The following ITPRID2 variants were observed in gnomAD, a reference collection of about 807,000 sequenced individuals.
ITPRID2 encodes the protein protein ITPRID2.
A neutral mutation model predicts 124.3 loss-of-function variants in ITPRID2; 60 were observed. The ratio of observed to expected loss-of-function variants is 0.48; its 90% confidence interval spans 0.39 to 0.60. The LOEUF (loss-of-function observed/expected upper bound fraction) is 0.60. ITPRID2 is among the 20% of genes least tolerant of loss of function. The pLI, the probability that ITPRID2 is intolerant of heterozygous loss-of-function variation, is 0.00. For synonymous variants in ITPRID2, 521 were observed against 542.9 expected (o/e 0.96, Z 0.56); for missense variants, 1,553 against 1,512.2 (o/e 1.03, Z -0.45).
Position 181,892,039 on chromosome 2 carries a change from C to T in ITPRID2, c.-28C>T, listed in dbSNP as rs1691738076. 4.5e-6 allele frequency: 7 copies of T among 1,545,702 alleles called. No homozygotes were observed. The South Asian group carries it at 4.8e-5, about 11-fold the overall frequency. On this transcript the variant is annotated 5_prime_UTR_variant, in exon 1 of 18. Coordinates refer to ENST00000431877, the MANE Select transcript of ITPRID2 (RefSeq NM_001130445.3). This position sits in a 1 kb window ranked among gnomAD's most constrained non-coding sequence, Gnocchi z 5.2. ...CCGCCTTGTCTCGCGCAGGGTCCGG[C>T]TGGGGTAGCGGAGCCCCCAGTGCGG...
chr2:181,928,629 CTT>C (rs756208720), intron 17 of ITPRID2, among the ~76,000 whole-genome samples: 20 of 142,214 alleles, frequency 1.4e-4, no homozygotes, highest in Middle Eastern at 3.4e-3. Flanking sequence ...TCACAACTTC[CTT>C]TTTTTTTTTT....
chr2:181,894,617 C>T (rs1330649804), intron 2 of ITPRID2: 1 of 152,110 alleles, frequency 6.6e-6, no homozygotes, highest in Admixed American at 6.5e-5. Context: ...GCATTTTACC[C>T]ACTTGATAAG....
chr2:181,915,124 T>C (rs1693925586), intron 10 of ITPRID2, 92 bp from the exon 11 acceptor site: 1 of 1,451,980 alleles, frequency 6.9e-7, no homozygotes, highest in African/African-American at 1.4e-5. Context: ...GTGGAGACAG[T>C]GAAATTATAG....
chr2:181,902,073 T>C lies in ITPRID2; in HGVS notation c.1020T>C (p.Asp340=), dbSNP rs955139406. 1 of 1,610,946 alleles carries C rather than the reference T, an allele frequency of 6.2e-7. No individual in the cohort carries two copies. Among genetic ancestry groups the C allele is most frequent in the Admixed American group, 1.7e-5 (1 of 59,430 alleles). Residue 340 remains aspartate (D), a synonymous_variant, in exon 8 of 18, where the codon GAT becomes GAC. Transcript: ENST00000431877. The surrounding 1 kb of genome is among the most constrained non-coding windows in gnomAD (Gnocchi z 4.4). ...SVIEESGNKN[D]QKSQKIMKKK... is the part of the protein sequence containing the mutation. ...TTGAAGAAAGTGGCAATAAAAACGATCAAAAGTCTCAAAAAATTATGAAGA... is the reference window on the plus strand; with the variant it reads ...TTGAAGAAAGTGGCAATAAAAACGACCAAAAGTCTCAAAAAATTATGAAGA...
rs1348540399 is a variant in ITPRID2 at position 181,919,929 on chromosome 2, A to T, written c.3144+483A>T. ...TACCTGTATATTTTCATACATATAT[A>T]TACATACACATACATATATGTATTT... is the stretch of plus-strand genomic sequence containing the variant. On this transcript the variant is annotated intron_variant, in intron 14 of 17. Coordinates refer to ENST00000431877, the MANE Select transcript of ITPRID2 (RefSeq NM_001130445.3). The surrounding 1 kb of genome is among the most constrained non-coding windows in gnomAD (Gnocchi z 4.2). 6.6e-6 allele frequency among the ~76,000 whole-genome samples: 1 copy of T among 152,060 alleles called. No individual in the cohort carries two copies. The highest frequency in any genetic ancestry group is 1.5e-5 in the Non-Finnish European group (1 of 67,990).
At chr2:181,920,528 A>G in intron 14 of ITPRID2, 69 bp from the exon 15 acceptor site, 1 of 1,118,612 alleles carries the variant, frequency 8.9e-7, no homozygotes, top group Non-Finnish European at 1.3e-6. Flanking sequence ...TATGTACATT[A>G]TAATTATATA....
Position 181,902,235 on chromosome 2 carries a change from A to G in ITPRID2, c.1182A>G (p.Glu394=), listed in dbSNP as rs1429207668. 5.0e-6 allele frequency: 8 copies of G among 1,613,124 alleles called. No individual in the cohort carries two copies. The highest frequency in any genetic ancestry group is 6.8e-6 in the Non-Finnish European group (8 of 1,179,494). Reference sequence around the variant, plus strand: ...ATTTTAACCAAGGAACTGAAAATGAACAAAGTAAAGAAACTCAAAGTCATG... The same window carrying G: ...ATTTTAACCAAGGAACTGAAAATGAGCAAAGTAAAGAAACTCAAAGTCATG... The part of the protein sequence containing the change: ...NSNFNQGTEN[E]QSKETQSHES... The change falls in exon 8 of 18, where the codon GAA becomes GAG. Residue 394 remains glutamate (E), a synonymous_variant. Transcript: ENST00000431877. This position sits in a 1 kb window ranked among gnomAD's most constrained non-coding sequence, Gnocchi z 4.4.
At chr2:181,899,848 A>G (rs1186102737) in intron 6 of ITPRID2, among the ~76,000 whole-genome samples, 1 of 152,200 alleles carries the variant, frequency 6.6e-6, no homozygotes, top group East Asian at 1.9e-4. Context: ...GCCAAACAGA[A>G]AAATACCCTT....
At chr2:181,926,376 T>G (rs1008918208) in intron 16 of ITPRID2, among the ~76,000 whole-genome samples, 2 of 152,110 alleles carry the variant, frequency 1.3e-5, no homozygotes, top group African/African-American at 4.8e-5. Flanking sequence ...CAATAATGCC[T>G]GTACTCCCAA....
rs1341614649 is a variant in ITPRID2 at position 181,900,804 on chromosome 2, T to C, written c.612T>C (p.Phe204=). The C allele has an allele frequency of 6.2e-7, 1 of 1,613,454 alleles. No homozygotes were observed. The highest frequency in any genetic ancestry group is 2.2e-5 in the East Asian group (1 of 44,792). The change falls in exon 7 of 18, where the codon TTT becomes TTC. Residue 204 remains phenylalanine, a synonymous_variant. Transcript: ENST00000431877. ...PDIASKIPSR[F]FNSSSFAKGI... ...TTGCTTCTAAAATTCCTTCCAGATT[T>C]TTTAATTCATCATCCTTTGCCAAAG...
In ITPRID2 at chr2:181,892,563, C is replaced by T. The variant is rs372129193; in HGVS notation, c.212-52C>T. On this transcript the variant is annotated intron_variant, in intron 1 of 17. Coordinates refer to ENST00000431877, the MANE Select transcript of ITPRID2 (RefSeq NM_001130445.3). The surrounding 1 kb of genome is among the most constrained non-coding windows in gnomAD (Gnocchi z 5.2). ...CTTGGGAGGGTCCAGGGTGACTCCG[C>T]CGTCGTAGTGCTCCTGGGTGGTAAC... is the stretch of plus-strand genomic sequence containing the variant. 3.7e-6 allele frequency: 6 copies of T among 1,610,094 alleles called. No individual in the cohort carries two copies. Among genetic ancestry groups the T allele is most frequent in the Admixed American group, 1.7e-5 (1 of 60,018 alleles).
chr2:181,915,514 AAG>A lies in ITPRID2; in HGVS notation c.1877_1878del (p.Glu626GlyfsTer17). The A allele has an allele frequency of 6.2e-7, 1 of 1,614,206 alleles. No individual in the cohort carries two copies. The highest frequency in any genetic ancestry group is 8.5e-7 in the Non-Finnish European group (1 of 1,180,028). The stretch of plus-strand genomic sequence containing the variant: ...CATATCATTGAAATTACTGAAGTGG[AAG>A]AGGATTTGTTTCCAGCAGAGACAGT... On this transcript the variant is annotated frameshift_variant, in exon 11 of 18. Transcript: ENST00000431877. LOFTEE classifies it high-confidence loss of function.
intron 2 of ITPRID2, chr2:181,893,742 A>G (rs1691954922): frequency 6.6e-6 from 1 of 152,382 alleles, no homozygotes; most frequent in Middle Eastern, 3.4e-3. Flanking sequence ...TTTACAATCT[A>G]GCTGTAAATC....
intron 8 of ITPRID2, among the ~76,000 whole-genome samples, chr2:181,904,831 A>G (rs923847154): frequency 1.3e-5 from 2 of 152,198 alleles, no homozygotes; most frequent in African/African-American, 4.8e-5. Flanking sequence ...CATCTGAGAC[A>G]AGAGGTAAGA....
intron 16 of ITPRID2, among the ~76,000 whole-genome samples, chr2:181,924,198 G>A (rs955683914): frequency 6.6e-6 from 1 of 152,182 alleles, no homozygotes; most frequent in Non-Finnish European, 1.5e-5. Context: ...CAAGGCATAA[G>A]AGGAGTATTG....
At chr2:181,926,163 C>A (rs1409605394) in intron 16 of ITPRID2, among the ~76,000 whole-genome samples, 1 of 151,970 alleles carries the variant, frequency 6.6e-6, no homozygotes, top group Non-Finnish European at 1.5e-5. Flanking sequence ...ATGCAGGAGG[C>A]TGAGGCAGGA....
chr2:181,928,688 G>C (rs920155588), intron 17 of ITPRID2, among the ~76,000 whole-genome samples: 1 of 151,566 alleles, frequency 6.6e-6, no homozygotes, highest in East Asian at 1.9e-4. Flanking sequence ...TGCAGTGGCG[G>C]GATCTCGGCT....
intron 2 of ITPRID2, chr2:181,893,165 T>C (rs1362810266): frequency 6.2e-6 from 1 of 160,070 alleles, no homozygotes; most frequent in Non-Finnish European, 1.4e-5. Flanking sequence ...TTCTTGAACA[T>C]GGAATTGTCA....
In ITPRID2 at chr2:181,902,179, A is replaced by T. The variant is rs1403608916; in HGVS notation, c.1126A>T (p.Ser376Cys). 1.2e-6 allele frequency: 2 copies of T among 1,613,780 alleles called. No homozygotes were observed. Among genetic ancestry groups the T allele is most frequent in the Admixed American group, 3.3e-5 (2 of 60,012 alleles). ...AGCAGCTGTTACGGAGAATGCTGAT[A>T]GTGATAGAATTTCTGATGAAGCAAA... ...SSAAVTENADSDRISDEANSN... is the reference protein window; with the variant it reads ...SSAAVTENADCDRISDEANSN... Residue 376 changes from serine (S) to cysteine (C), a missense_variant, in exon 8 of 18, where the codon AGT becomes TGT. Ser to Cys is a moderately radical substitution (Grantham distance 112). Transcript: ENST00000431877. This position sits in a 1 kb window ranked among gnomAD's most constrained non-coding sequence, Gnocchi z 4.4.
Sources: gnomAD v4.1 joint callset for allele counts (sites outside exome capture counted in the v4.1 genomes callset) on GRCh38, gnomAD v4.1.1 for gene constraint, Gnocchi (gnomAD v3.1) non-coding constraint, MANE v1.5 for transcripts, NCBI Gene and HGNC (gene_info 2026-07-23, HGNC 2026-07-21) for gene names.